BCAS2: variants seen among roughly 807,000 people sequenced by gnomAD.
BCAS2 encodes the protein BCAS2 pre-mRNA processing factor.
Under a neutral mutation model 35.3 loss-of-function variants are expected in BCAS2, and 34 were observed. The ratio of observed to expected loss-of-function variants is 0.96; its 90% CI spans 0.73 to 1.28. BCAS2 has a LOEUF of 1.28. BCAS2 is among the 50% of genes most tolerant of loss of function. The probability of loss-of-function intolerance (pLI) is 0.00; values close to 1 mark genes in which losing one functional copy is unlikely to be tolerated. For synonymous variants in BCAS2, 75 were observed against 91.6 expected (o/e 0.82, Z 1.03); for missense variants, 221 against 268.1 (o/e 0.82, Z 1.23).
chr1:114,576,677 A>G lies in BCAS2; in HGVS notation c.257+11T>C. On this transcript the variant is annotated intron_variant, in intron 3 of 6. Coordinates refer to ENST00000369541, the MANE Select transcript of BCAS2 (RefSeq NM_005872.3). Reference sequence around the variant, plus strand: ...CAAACTAAATTTTAATTTCCATTTTAATATTCTTACCGTTTCATACTGAGC... The same window carrying G: ...CAAACTAAATTTTAATTTCCATTTTGATATTCTTACCGTTTCATACTGAGC... 6.3e-7 allele frequency: 1 copy of G among 1,595,194 alleles called. No homozygotes were observed. The highest frequency in any genetic ancestry group is 1.7e-5 in the Admixed American group (1 of 59,196).
At chr1:114,571,904 A>G (rs1654652556) in intron 4 of BCAS2, among the ~76,000 whole-genome samples, 1 of 152,252 alleles carries the variant, frequency 6.6e-6, no homozygotes, top group South Asian at 2.1e-4. Flanking sequence ...ATACCAGTCC[A>G]GGTCAGCTGT....
chr1:114,571,967 G>A (rs1035457390), intron 4 of BCAS2, among the ~76,000 whole-genome samples: 5 of 152,174 alleles, frequency 3.3e-5, no homozygotes, highest in African/African-American at 4.8e-5. Context: ...AATTATTTTA[G>A]AGAAGTAATG....
chr1:114,575,012 G>C (rs1026537744), intron 4 of BCAS2, among the ~76,000 whole-genome samples: 1 of 150,838 alleles, frequency 6.6e-6, no homozygotes, highest in Admixed American at 6.6e-5. Flanking sequence ...TGTGACTACA[G>C]AAGCGCCACC....
intron 4 of BCAS2, among the ~76,000 whole-genome samples, chr1:114,571,519 G>A (rs897151203): frequency 6.6e-6 from 1 of 151,900 alleles, no homozygotes; most frequent in African/African-American, 2.4e-5. Context: ...ACCATGCCCG[G>A]CTAATTTTCA....
At chr1:114,570,253 G>A (rs1413837610) in intron 5 of BCAS2, among the ~76,000 whole-genome samples, 181 bp from the exon 6 acceptor site, 1 of 148,992 alleles carries the variant, frequency 6.7e-6, no homozygotes, top group Admixed American at 6.7e-5. Context: ...CATAAAACAT[G>A]CTCATTGTGA....
chr1:114,573,629 C>T (rs2101627947), intron 4 of BCAS2, among the ~76,000 whole-genome samples: 1 of 152,328 alleles, frequency 6.6e-6, no homozygotes, highest in African/African-American at 2.4e-5. Flanking sequence ...TGGCATAAAA[C>T]TTATTATCTC....
intron 4 of BCAS2, among the ~76,000 whole-genome samples, chr1:114,573,141 A>C (rs1040590464): frequency 3.7e-5 from 5 of 133,396 alleles, no homozygotes; most frequent in Admixed American, 8.3e-5. Flanking sequence ...AAAAAAAAAA[A>C]AAAAAAAAAA....
Position 114,570,243 on chromosome 1 carries a change from C to A in BCAS2, c.471-171G>T, listed in dbSNP as rs1472183929. 2.6e-5 allele frequency among the ~76,000 whole-genome samples: 4 copies of A among 151,768 alleles called. No homozygotes were observed. The East Asian group carries it at 5.9e-4, about 22-fold the overall frequency. On this transcript the variant is annotated intron_variant, in intron 5 of 6. Transcript: ENST00000369541. ...CTAATTATTTTTTGATTACAAGTTT[C>A]ATAAAACATGCTCATTGTGAGAAAT...
chr1:114,568,582 G>A (rs974414985), intron 6 of BCAS2, among the ~76,000 whole-genome samples: 6 of 151,584 alleles, frequency 4.0e-5, no homozygotes, highest in African/African-American at 1.5e-4. Context: ...GGCCAGGCTG[G>A]TCTCAAACTC....
chr1:114,578,371 C>T (rs918568534), intron 2 of BCAS2, among the ~76,000 whole-genome samples: 1 of 151,878 alleles, frequency 6.6e-6, no homozygotes, highest in Non-Finnish European at 1.5e-5. Flanking sequence ...CTAGAAAATT[C>T]TGCAGTGACA....
intron 4 of BCAS2, among the ~76,000 whole-genome samples, chr1:114,573,533 C>A (rs138597595): frequency 4.6e-5 from 7 of 152,108 alleles, no homozygotes; most frequent in Admixed American, 4.6e-4. Flanking sequence ...CCTGGCAATG[C>A]CCCATCTCTT....
rs185931595 is a variant in BCAS2 at position 114,574,277 on chromosome 1, C to T, written c.419+1313G>A. On this transcript the variant is annotated intron_variant, in intron 4 of 6. Coordinates refer to ENST00000369541, the MANE Select transcript of BCAS2 (RefSeq NM_005872.3). ...TGAAAAATCTGAGCAGCTGAGCATG[C>T]ACATTTTCAGCTGAGGATGAACAAG... 9.8e-4 allele frequency among the ~76,000 whole-genome samples: 150 copies of T among 152,298 alleles called. 1 individual carries two copies. Among genetic ancestry groups the T allele is most frequent in the Non-Finnish European group, 3.8e-4 (26 of 68,026 alleles).
In BCAS2 at chr1:114,573,122, CAAAAAAAAAAA is replaced by C. The variant is rs34796829; in HGVS notation, c.420-2383_420-2373del. On this transcript the variant is annotated intron_variant, in intron 4 of 6. Transcript: ENST00000369541. The stretch of plus-strand genomic sequence containing the variant: ...CTGTCCCGCCCCCCGCCCCCACCTC[CAAAAAAAAAAA>C]AAAAAAAAAAAAAAAAAACTTGGCC... Among the ~76,000 whole-genome samples, 25 of 6,366 alleles carry C rather than the reference CAAAAAAAAAAA, an allele frequency of 3.9e-3. No individual in the cohort carries two copies. The South Asian group carries it at 0.042, about 11-fold the overall frequency. The allele number at this position is 6,366 out of a possible 152,430, so 4.2% of individuals were successfully genotyped here.
intron 2 of BCAS2, among the ~76,000 whole-genome samples, chr1:114,578,573 TG>T (rs1192600466): frequency 6.6e-6 from 1 of 152,208 alleles, no homozygotes; most frequent in African/African-American, 2.4e-5. Context: ...TCCCTGCTCA[TG>T]GAGTAGTCTC....
chr1:114,572,148 T>C (rs1448540610), intron 4 of BCAS2, among the ~76,000 whole-genome samples: 1 of 152,218 alleles, frequency 6.6e-6, no homozygotes, highest in East Asian at 1.9e-4. Flanking sequence ...TTCCTGGCTT[T>C]TGTGACTCAA....
chr1:114,575,908 A>C (rs1438689176), intron 3 of BCAS2, among the ~76,000 whole-genome samples, 157 bp from the exon 4 acceptor site: 1 of 152,226 alleles, frequency 6.6e-6, no homozygotes, highest in African/African-American at 2.4e-5. Context: ...ATATGCTAAC[A>C]ATCAATTTAC....
At position 114,578,925 on chromosome 1, in the gene BCAS2, T is replaced by G. The variant is rs1191791714; in HGVS notation, c.187-2167A>C. ...ATAGCAAACATAGTTATATAGTTTA[T>G]AGAGCTGTTATGTGCACCAAGTAAG... On this transcript the variant is annotated intron_variant, in intron 2 of 6. Coordinates refer to ENST00000369541, the MANE Select transcript of BCAS2 (RefSeq NM_005872.3). Among the ~76,000 whole-genome samples the G allele has an allele frequency of 2.6e-5, 4 of 152,208 alleles. No homozygotes were observed. The East Asian group carries it at 7.7e-4, about 29-fold the overall frequency.
At chr1:114,579,750 C>T (rs1274455354) in intron 2 of BCAS2, among the ~76,000 whole-genome samples, 1 of 152,018 alleles carries the variant, frequency 6.6e-6, no homozygotes, top group Non-Finnish European at 1.5e-5. Flanking sequence ...CCTGCAATCC[C>T]AGCTACTCGG....
At position 114,575,963 on chromosome 1, in the gene BCAS2, T is replaced by A. The variant is rs911108450; in HGVS notation, c.258-212A>T. The stretch of plus-strand genomic sequence containing the variant: ...TATGTTCACTTCAATGTGAACTGGT[T>A]AAATAAGCAACATTACATTCACATA... On this transcript the variant is annotated intron_variant, in intron 3 of 6. Coordinates refer to ENST00000369541, the MANE Select transcript of BCAS2 (RefSeq NM_005872.3). 1.1e-4 allele frequency among the ~76,000 whole-genome samples: 17 copies of A among 152,184 alleles called. 1 individual carries two copies. Among genetic ancestry groups the A allele is most frequent in the African/African-American group, 3.9e-4 (16 of 41,432 alleles).
Sources: gnomAD v4.1 joint callset for allele counts (sites outside exome capture counted in the v4.1 genomes callset) on GRCh38, gnomAD v4.1.1 for gene constraint, MANE v1.5 for transcripts, NCBI Gene and HGNC (gene_info 2026-07-23, HGNC 2026-07-21) for gene names.